LAMA3: variants seen among roughly 807,000 people sequenced by gnomAD.
LAMA3 encodes the protein laminin subunit alpha 3.
Under a neutral mutation model 402.0 loss-of-function variants are expected in LAMA3, and 281 were observed. The observed-to-expected ratio is 0.70, with a 90% CI of 0.63 to 0.77. The LOEUF (loss-of-function observed/expected upper bound fraction) is 0.77, where lower values mean the gene tolerates loss of function less well. LAMA3 is among the 30% of genes least tolerant of loss of function. The pLI, the probability that LAMA3 is intolerant of heterozygous loss-of-function variation, is 0.00. For synonymous variants in LAMA3, 1,431 were observed against 1,558.4 expected (o/e 0.92, Z 1.93); for missense variants, 3,840 against 4,215.5 (o/e 0.91, Z 2.47).
At chr18:23,816,599 C>T (rs1034272548) in intron 18 of LAMA3, 112 bp downstream of exon 18, 13 of 842,394 alleles carry the variant, frequency 1.5e-5, no homozygotes, top group Non-Finnish European at 2.6e-5. Context: ...AGATCGAGGT[C>T]AGGGGAAGCT....
In LAMA3 at chr18:23,912,773, G is replaced by A. The variant is rs771823972; in HGVS notation, c.7221G>A (p.Leu2407=). The change falls in exon 56 of 75, where the codon CTG becomes CTA. Residue 2407 remains leucine (L), a synonymous_variant. Coordinates refer to ENST00000313654, the MANE Select transcript of LAMA3 (RefSeq NM_198129.4). ...SGVEVRLPND[L]EDLKGYTSLS... The stretch of plus-strand genomic sequence containing the variant: ...TCGAAGTCCGACTGCCAAATGACCT[G>A]GAAGATTTGAAAGGATATACATCTC... The A allele has an allele frequency of 3.1e-6, 5 of 1,613,898 alleles. No homozygotes were observed. In the African/African-American group the frequency reaches 5.3e-5, roughly 17 times the overall value.
intron 10 of LAMA3, among the ~76,000 whole-genome samples, chr18:23,776,482 A>C (rs572268693): frequency 1.4e-4 from 22 of 152,178 alleles, no homozygotes; most frequent in Admixed American, 3.9e-4. Flanking sequence ...AACTGTGATG[A>C]GTGTTGGCTC....
At chr18:23,765,269 T>A (rs2062052548) in intron 8 of LAMA3, among the ~76,000 whole-genome samples, 1 of 151,948 alleles carries the variant, frequency 6.6e-6, no homozygotes, top group Non-Finnish European at 1.5e-5. Context: ...TGGTGGGGAG[T>A]CCAGGAAAAG....
chr18:23,922,531 A>G (rs1322894511), intron 62 of LAMA3, among the ~76,000 whole-genome samples: 1 of 152,228 alleles, frequency 6.6e-6, no homozygotes, highest in African/African-American at 2.4e-5. Flanking sequence ...GCAAATGGGA[A>G]AGCTGGGCAC....
chr18:23,753,743 T>A lies in LAMA3; in HGVS notation c.878T>A (p.Ile293Asn). The change falls in exon 6 of 75, where the codon ATC becomes AAC. Residue 293 changes from isoleucine to asparagine, a missense_variant. Ile to Asn is a moderately radical substitution (Grantham distance 149). Coordinates refer to ENST00000313654, the MANE Select transcript of LAMA3 (RefSeq NM_198129.4). ...CAGTATTATTACAGCATAAAGGACATCAGCATTGGTGGGCAGTGTGTTTGC... is the reference window on the plus strand; with the variant it reads ...CAGTATTATTACAGCATAAAGGACAACAGCATTGGTGGGCAGTGTGTTTGC... ...TRRYYYSIKD[I>N]SIGGQCVCNG... is the part of the protein sequence containing the mutation. 1 of 1,613,878 alleles carries A rather than the reference T, an allele frequency of 6.2e-7. No individual in the cohort carries two copies. Among genetic ancestry groups the A allele is most frequent in the Non-Finnish European group, 8.5e-7 (1 of 1,179,730 alleles).
intron 36 of LAMA3, among the ~76,000 whole-genome samples, chr18:23,867,569 G>GA (rs1272959145): frequency 4.0e-4 from 52 of 128,830 alleles, no homozygotes; most frequent in South Asian, 1.3e-3. Flanking sequence ...AAAAAAAAAA[G>GA]AAAAAAAAAA....
intron 6 of LAMA3, among the ~76,000 whole-genome samples, chr18:23,755,222 A>G (rs1331931240): frequency 6.6e-6 from 1 of 152,196 alleles, no homozygotes; most frequent in Non-Finnish European, 1.5e-5. Flanking sequence ...GCCATGTGGG[A>G]AAGGAGTACA....
chr18:23,945,101 C>T (rs1445270629), intron 69 of LAMA3, among the ~76,000 whole-genome samples: 1 of 152,104 alleles, frequency 6.6e-6, no homozygotes, highest in Non-Finnish European at 1.5e-5. Context: ...CCACTGCACT[C>T]CAGCCTGGGC....
At chr18:23,752,509 A>G (rs2061771765) in intron 5 of LAMA3, among the ~76,000 whole-genome samples, 1 of 152,104 alleles carries the variant, frequency 6.6e-6, no homozygotes, top group Non-Finnish European at 1.5e-5. Context: ...AATACCAGCT[A>G]CCTTATGACA....
intron 67 of LAMA3, among the ~76,000 whole-genome samples, chr18:23,937,858 T>C (rs1216305865): frequency 2.0e-5 from 3 of 152,348 alleles, no homozygotes; most frequent in African/African-American, 7.2e-5. Flanking sequence ...GTTTGCGTTC[T>C]GAGCACTATA....
chr18:23,806,063 G>A (rs1310333468), intron 12 of LAMA3, among the ~76,000 whole-genome samples: 1 of 152,206 alleles, frequency 6.6e-6, no homozygotes, highest in Admixed American at 6.5e-5. Context: ...TTCACTTCCA[G>A]GAACACCATG....
chr18:23,704,582 C>G (rs1431204619), intron 1 of LAMA3, among the ~76,000 whole-genome samples: 1 of 152,214 alleles, frequency 6.6e-6, no homozygotes, highest in Non-Finnish European at 1.5e-5. Flanking sequence ...CTAGCTTGCC[C>G]CAGCATCTTT....
chr18:23,847,463 G>T lies in LAMA3; in HGVS notation c.3932-1G>T. On this transcript the variant is annotated splice_acceptor_variant, in intron 31 of 74. Transcript: ENST00000313654. LOFTEE classifies it high-confidence loss of function. ...ATGGTATTTCTTTATCCCCTGGCCA[G>T]CGTGCAGCTGTGGTCGGCGCCTTTG... The T allele has an allele frequency of 6.2e-7, 1 of 1,611,156 alleles. No individual in the cohort carries two copies. Among genetic ancestry groups the T allele is most frequent in the East Asian group, 2.2e-5 (1 of 44,882 alleles).
intron 41 of LAMA3, among the ~76,000 whole-genome samples, chr18:23,887,091 A>G (rs1471412511): frequency 1.3e-5 from 2 of 152,228 alleles, no homozygotes; most frequent in Non-Finnish European, 2.9e-5. Flanking sequence ...TATTCTTTCA[A>G]TGAAAAATGT....
intron 42 of LAMA3, among the ~76,000 whole-genome samples, chr18:23,890,388 C>G (rs997346470): frequency 2.0e-5 from 3 of 151,830 alleles, no homozygotes; most frequent in African/African-American, 7.3e-5. Flanking sequence ...TGAAACTTAC[C>G]TAATTATAAC....
chr18:23,839,401 A>G lies in LAMA3; in HGVS notation c.3192-384A>G, dbSNP rs1294325986. Among the ~76,000 whole-genome samples, 1 of 152,238 alleles carries G rather than the reference A, an allele frequency of 6.6e-6. No individual in the cohort carries two copies. The highest frequency in any genetic ancestry group is 2.4e-5 in the African/African-American group (1 of 41,456). On this transcript the variant is annotated intron_variant, in intron 26 of 74. Coordinates refer to ENST00000313654, the MANE Select transcript of LAMA3 (RefSeq NM_198129.4). The surrounding 1 kb of genome is among the most constrained non-coding windows in gnomAD (Gnocchi z 4.5). ...CAATGTGATTCTGGTTGTGCGTAAA[A>G]GAGACGATGTATATTTTTTCTTTCT...
At chr18:23,766,840 G>A (rs8085137) in intron 8 of LAMA3, among the ~76,000 whole-genome samples, 118,759 of 150,658 alleles carry the variant, frequency 0.79, 47,323 homozygotes, top group African/African-American at 0.93. Flanking sequence ...CTGTCTCAAA[G>A]AAAAAAAAAA....
At chr18:23,885,625 G>T (rs926136077) in intron 41 of LAMA3, among the ~76,000 whole-genome samples, 1 of 151,926 alleles carries the variant, frequency 6.6e-6, no homozygotes, top group Non-Finnish European at 1.5e-5. Flanking sequence ...AGATATAAAA[G>T]ATACTTATAA....
chr18:23,732,527 G>T (rs2061410415), intron 2 of LAMA3, among the ~76,000 whole-genome samples: 1 of 152,254 alleles, frequency 6.6e-6, no homozygotes, highest in East Asian at 1.9e-4. Flanking sequence ...AAATCAGTCT[G>T]TGCAGCAATC....
Sources: allele counts gnomAD v4.1 joint callset (sites outside exome capture counted in the v4.1 genomes callset), GRCh38; gene constraint gnomAD v4.1.1; non-coding constraint Gnocchi (gnomAD v3.1); transcripts MANE v1.5; gene names NCBI Gene and HGNC (gene_info 2026-07-23, HGNC 2026-07-21).